Variants in TTC21B observed in about 807,000 individuals in gnomAD.
TTC21B encodes tetratricopeptide repeat domain 21B, also known as tetratricopeptide repeat protein 21B.
TTC21B carries 127 observed loss-of-function variants against 175.1 expected under a neutral mutation model. That is an observed-to-expected ratio of 0.73 (90% CI 0.63 to 0.84). TTC21B has a LOEUF of 0.84. TTC21B is among the 40% of genes least tolerant of loss of function. TTC21B has a pLI of 0.00. For synonymous variants in TTC21B, 524 were observed against 524.5 expected, an observed-to-expected ratio of 1.00 and a Z score of 0.01; for missense variants, 1,561 against 1,558.3, an observed-to-expected ratio of 1.00 and a Z score of -0.03.
In TTC21B at chr2:165,941,270, T is replaced by C. The variant is rs566932918; in HGVS notation, c.553-86A>G. 9.7e-6 allele frequency: 14 copies of C among 1,445,986 alleles called. No individual in the cohort carries two copies. In the East Asian group the frequency reaches 3.2e-4, roughly 33 times the overall value. The allele number at this position is 1,445,986 out of a possible 1,614,324, so 89.6% of individuals were successfully genotyped here. Reference sequence around the variant, plus strand: ...ACGCAGAGCAGGCAGAGTATGAGCGTTTAATACTTACTTTTCTGTGAGGAG... The same window carrying C: ...ACGCAGAGCAGGCAGAGTATGAGCGCTTAATACTTACTTTTCTGTGAGGAG... On this transcript the variant is annotated intron_variant, in intron 5 of 28. Transcript: ENST00000243344.
At chr2:165,911,253 A>G in intron 18 of TTC21B, 74 bp downstream of exon 18, 1 of 1,538,216 alleles carries the variant, frequency 6.5e-7, no homozygotes, top group Admixed American at 1.7e-5. Context: ...GAATACAAAT[A>G]CATATTTATG....
chr2:165,945,759 T>A, intron 3 of TTC21B, 69 bp from the exon 4 acceptor site: 4 of 1,512,504 alleles, frequency 2.6e-6, no homozygotes, highest in Admixed American at 3.6e-5. Flanking sequence ...GGTCAGATAA[T>A]TAACAAGGCA....
In TTC21B at chr2:165,873,739, G is replaced by T. The variant is rs1363692732; in HGVS notation, c.*1016C>A. 6.6e-6 allele frequency: 1 copy of T among 152,088 alleles called. No homozygotes were observed. Among genetic ancestry groups the T allele is most frequent in the African/African-American group, 2.4e-5 (1 of 41,416 alleles). 9.4% of individuals were successfully genotyped at this position (152,088 alleles called of 1,614,324 possible). A position where few individuals can be genotyped will look rare whatever the true frequency, so the allele number is the denominator to read the frequency against. On this transcript the variant is annotated 3_prime_UTR_variant, in exon 29 of 29. Transcript: ENST00000243344. ...GTTTCAGGACCTGATTATTTCTTAA[G>T]ACCACAATGGCCTTGAAAGCAGGAA...
intron 12 of TTC21B, among the ~76,000 whole-genome samples, chr2:165,920,481 C>G (rs1686346910): frequency 6.6e-6 from 1 of 152,116 alleles, no homozygotes; most frequent in South Asian, 2.1e-4. Flanking sequence ...AGATTCTTAA[C>G]TTATTGTGAT....
chr2:165,946,153 G>A (rs530275390), intron 3 of TTC21B, among the ~76,000 whole-genome samples: 3 of 135,414 alleles, frequency 2.2e-5, no homozygotes, highest in South Asian at 2.4e-4. Flanking sequence ...GTGAAACCCT[G>A]TCTCTACTAA....
intron 8 of TTC21B, 137 bp downstream of exon 8, chr2:165,931,621 T>C: frequency 3.9e-6 from 3 of 760,090 alleles, no homozygotes; most frequent in Non-Finnish European, 6.8e-6. Context: ...TAAACTGCCT[T>C]TCCTAGGAGT....
chr2:165,919,398 A>G lies in TTC21B; in HGVS notation c.1552T>C (p.Cys518Arg), dbSNP rs1378821369. Residue 518 changes from cysteine (C) to arginine (R), a missense_variant, in exon 13 of 29, where the codon TGC becomes CGC. Cys to Arg is a radical substitution (Grantham distance 180). Coordinates refer to ENST00000243344, the MANE Select transcript of TTC21B (RefSeq NM_024753.5). ...GCATAAGAGGGATTGTGTTCTAAGC[A>G]GTGCTGAAGGTTATTGAAAGCTGCT... ...IEAAFNNLQH[C>R]LEHNPSYADA... is the part of the protein sequence containing the mutation. The G allele has an allele frequency of 6.2e-7, 1 of 1,613,996 alleles. No individual in the cohort carries two copies. The highest frequency in any genetic ancestry group is 2.2e-5 in the East Asian group (1 of 44,874).
chr2:165,890,608 TGTCGAAGGGCATCATTTG>T lies in TTC21B; in HGVS notation c.3116_3133del (p.Pro1039_Arg1044del). On this transcript the variant is annotated inframe_deletion, in exon 24 of 29. Transcript: ENST00000243344. ...ACGATCTTTCCGAGCTTTATTAAAA[TGTCGAAGGGCATCATTTG>T]GTTCTCCAGTGTACCTTGTTAGATG... 6.2e-7 allele frequency: 1 copy of T among 1,613,856 alleles called. No individual in the cohort carries two copies. Among genetic ancestry groups the T allele is most frequent in the Non-Finnish European group, 8.5e-7 (1 of 1,179,792 alleles).
chr2:165,914,433 T>G (rs1415254171), intron 15 of TTC21B, among the ~76,000 whole-genome samples: 1 of 152,206 alleles, frequency 6.6e-6, no homozygotes. Flanking sequence ...GGAACTCCAG[T>G]CCATCTGTCT....
intron 25 of TTC21B, among the ~76,000 whole-genome samples, chr2:165,886,035 C>A (rs1014129985): frequency 6.6e-6 from 1 of 152,184 alleles, no homozygotes; most frequent in South Asian, 2.1e-4. Context: ...TCCATGATTT[C>A]TTGTCACATA....
At chr2:165,915,672 C>T (rs1686142983) in intron 14 of TTC21B, among the ~76,000 whole-genome samples, 2 of 152,182 alleles carry the variant, frequency 1.3e-5, no homozygotes, top group Non-Finnish European at 1.5e-5. Flanking sequence ...ACTAGGACAA[C>T]AGCAGCTGCT....
At chr2:165,916,713 A>G (rs1016445201) in intron 14 of TTC21B, among the ~76,000 whole-genome samples, 3 of 152,302 alleles carry the variant, frequency 2.0e-5, no homozygotes, top group South Asian at 2.1e-4. Context: ...ACATCATGTT[A>G]TTATGTTCCA....
At chr2:165,912,197 G>C (rs1685975478) in intron 17 of TTC21B, among the ~76,000 whole-genome samples, 2 of 152,118 alleles carry the variant, frequency 1.3e-5, no homozygotes, top group Admixed American at 1.3e-4. Context: ...AAAAATTGGT[G>C]CAACAGAAAG....
At chr2:165,889,600 A>C (rs1685121888) in intron 24 of TTC21B, among the ~76,000 whole-genome samples, 2 of 152,108 alleles carry the variant, frequency 1.3e-5, no homozygotes, top group South Asian at 4.2e-4. Flanking sequence ...TTCCTAAAAC[A>C]ACCATAAACA....
chr2:165,913,344 A>G (rs903674899), intron 16 of TTC21B, among the ~76,000 whole-genome samples: 5 of 152,150 alleles, frequency 3.3e-5, no homozygotes, highest in Non-Finnish European at 2.9e-5. Context: ...ATTTCAAATA[A>G]CAATAGTGCT....
chr2:165,926,905 A>T (rs113373150), intron 11 of TTC21B, among the ~76,000 whole-genome samples: 44,196 of 148,798 alleles, frequency 0.3, 7,455 homozygotes, highest in Non-Finnish European at 0.39. Flanking sequence ...GCTTACAGAC[A>T]GCCTATTGTG....
Position 165,933,304 on chromosome 2 carries a change from G to C in TTC21B, c.711-247C>G, listed in dbSNP as rs186116277. ...GATTATACTAGTCTCATTAAATCTT[G>C]TGGCAATCCTAAATAAAATATTAGC... On this transcript the variant is annotated intron_variant, in intron 6 of 28. Coordinates refer to ENST00000243344, the MANE Select transcript of TTC21B (RefSeq NM_024753.5). 1.2e-3 allele frequency among the ~76,000 whole-genome samples: 175 copies of C among 152,064 alleles called. 1 individual carries two copies. The highest frequency in any genetic ancestry group is 4.1e-3 in the African/African-American group (172 of 41,482).
intron 1 of TTC21B, among the ~76,000 whole-genome samples, chr2:165,952,415 A>G (rs941499850): frequency 1.9e-4 from 29 of 152,152 alleles, no homozygotes; most frequent in African/African-American, 6.3e-4. Context: ...TAAAATGTGT[A>G]CTATCTGGCC....
At chr2:165,892,145 G>A (rs980773487) in intron 22 of TTC21B, among the ~76,000 whole-genome samples, 2 of 152,068 alleles carry the variant, frequency 1.3e-5, no homozygotes, top group Non-Finnish European at 2.9e-5. Flanking sequence ...GTGTCTTTTA[G>A]ATGTTTGTGT....
Sources: gnomAD v4.1 joint callset for allele counts (sites outside exome capture counted in the v4.1 genomes callset) on GRCh38, gnomAD v4.1.1 for gene constraint, MANE v1.5 for transcripts, NCBI Gene and HGNC (gene_info 2026-07-23, HGNC 2026-07-21) for gene names.